Variants in MMP16 observed in about 807,000 individuals in gnomAD.
The protein encoded by MMP16 is matrix metalloproteinase-16.
In MMP16, 12 loss-of-function variants were observed where a neutral mutation model predicts 67.8. That is an observed-to-expected ratio of 0.18 (90% CI 0.11 to 0.29). The LOEUF (loss-of-function observed/expected upper bound fraction) is 0.29. Ranked by LOEUF, MMP16 falls within the 10% of genes least tolerant of loss-of-function variation. MMP16 has a pLI of 1.00. For missense variants in MMP16, 475 were observed against 765.7 expected, an observed-to-expected ratio of 0.62 and a Z score of 4.48; for synonymous variants, 249 against 255.9, an observed-to-expected ratio of 0.97 and a Z score of 0.26.
chr8:88,136,184 C>T (rs988766896), intron 4 of MMP16, among the ~76,000 whole-genome samples: 4 of 151,620 alleles, frequency 2.6e-5, no homozygotes, highest in African/African-American at 9.7e-5. Context: ...AAAGAGATGA[C>T]TAAAAAAGGT....
intron 3 of MMP16, among the ~76,000 whole-genome samples, chr8:88,182,837 T>C (rs1809003645): frequency 6.6e-6 from 1 of 151,906 alleles, no homozygotes; most frequent in Non-Finnish European, 1.5e-5. Flanking sequence ...TGAATAAATA[T>C]ACAATGGCAC....
At chr8:88,292,157 C>T (rs1005372131) in intron 1 of MMP16, among the ~76,000 whole-genome samples, 2 of 152,164 alleles carry the variant, frequency 1.3e-5, no homozygotes, top group Non-Finnish European at 2.9e-5. Flanking sequence ...GAAGAATTAC[C>T]TGCTTTGCTA....
At chr8:88,155,205 A>G (rs894839592) in intron 4 of MMP16, among the ~76,000 whole-genome samples, 11 of 152,104 alleles carry the variant, frequency 7.2e-5, no homozygotes, top group African/African-American at 2.7e-4. Flanking sequence ...CATGATTTCT[A>G]AAACAAATAT....
intron 4 of MMP16, among the ~76,000 whole-genome samples, chr8:88,164,902 A>T (rs1276078130): frequency 6.6e-6 from 1 of 151,834 alleles, no homozygotes; most frequent in East Asian, 1.9e-4. Context: ...TTCTTCCCAC[A>T]TATACATTCC....
chr8:88,119,005 C>A, intron 4 of MMP16, 144 bp from the exon 5 acceptor site: 1 of 794,286 alleles, frequency 1.3e-6, no homozygotes, highest in Non-Finnish European at 1.9e-6. Flanking sequence ...TCATCACTGG[C>A]TTTCCTACTG....
At chr8:88,162,018 G>A (rs1808635053) in intron 4 of MMP16, among the ~76,000 whole-genome samples, 1 of 151,986 alleles carries the variant, frequency 6.6e-6, no homozygotes, top group Non-Finnish European at 1.5e-5. Context: ...GTGCTGAGAA[G>A]AATGAATATA....
chr8:88,305,145 T>C (rs532451389), intron 1 of MMP16, among the ~76,000 whole-genome samples: 1 of 152,212 alleles, frequency 6.6e-6, no homozygotes, highest in Admixed American at 6.5e-5. Flanking sequence ...GATTGCAATC[T>C]TGGATTCTGA....
chr8:88,041,730 G>A lies in MMP16; in HGVS notation c.1555C>T (p.Pro519Ser), dbSNP rs1198881072. ...KFNNQILKVE[P>S]GYPRSILKDF... ...TTGAGGATGGATCTTGGATATCCAG[G>A]TTCTACCTTGAGTATCTGGTTGTTG... is the stretch of plus-strand genomic sequence containing the variant. Residue 519 changes from proline (P) to serine (S), a missense_variant, in exon 10 of 10, where the codon CCT (proline) becomes TCT (serine). Pro to Ser is a moderately conservative substitution (Grantham distance 74). This residue lies in a region of MMP16 where 23 missense variants were observed against 79.1 expected (regional missense o/e 0.29). Coordinates refer to ENST00000286614, the MANE Select transcript of MMP16 (RefSeq NM_005941.5). This position sits in a 1 kb window ranked among gnomAD's most constrained non-coding sequence, Gnocchi z 6.0. The A allele has an allele frequency of 1.9e-6, 3 of 1,613,842 alleles. No homozygotes were observed. Among genetic ancestry groups the A allele is most frequent in the Non-Finnish European group, 2.5e-6 (3 of 1,179,948 alleles).
At chr8:88,183,848 T>G (rs1174241981) in intron 3 of MMP16, among the ~76,000 whole-genome samples, 2 of 151,262 alleles carry the variant, frequency 1.3e-5, no homozygotes, top group Non-Finnish European at 2.9e-5. Flanking sequence ...CTCGAGTAGC[T>G]GGGATTACAG....
chr8:88,137,788 T>G (rs1387894002), intron 4 of MMP16, among the ~76,000 whole-genome samples: 2 of 151,996 alleles, frequency 1.3e-5, no homozygotes, highest in African/African-American at 4.8e-5. Context: ...CTCTCTTCTG[T>G]CTTCTTGATT....
chr8:88,301,307 AT>A (rs1811095325), intron 1 of MMP16, among the ~76,000 whole-genome samples: 1 of 151,976 alleles, frequency 6.6e-6, no homozygotes, highest in South Asian at 2.1e-4. Flanking sequence ...GCCTCTCTCC[AT>A]TTTATAACTG....
intron 1 of MMP16, among the ~76,000 whole-genome samples, chr8:88,288,724 C>T (rs367745754): frequency 6.6e-6 from 1 of 152,150 alleles, no homozygotes; most frequent in Non-Finnish European, 1.5e-5. Context: ...CACATCCTTT[C>T]AGGAAACCAA....
chr8:88,102,796 TA>T (rs1272007539), intron 6 of MMP16, among the ~76,000 whole-genome samples: 7 of 151,974 alleles, frequency 4.6e-5, no homozygotes, highest in African/African-American at 1.7e-4. Context: ...AGACCAAATA[TA>T]TATTTTATAA....
intron 1 of MMP16, among the ~76,000 whole-genome samples, chr8:88,322,483 T>G (rs541931294): frequency 6.6e-6 from 1 of 152,214 alleles, no homozygotes; most frequent in South Asian, 2.1e-4. Flanking sequence ...TTTATGTCAT[T>G]AGATGCTATG....
intron 1 of MMP16, among the ~76,000 whole-genome samples, chr8:88,251,616 T>C (rs1216919348): frequency 3.8e-5 from 5 of 130,928 alleles, no homozygotes; most frequent in Admixed American, 7.8e-5. Context: ...CCAAAAGCAA[T>C]GGCAACAAAA....
chr8:88,109,218 G>C (rs1328826101), intron 6 of MMP16, among the ~76,000 whole-genome samples: 1 of 151,272 alleles, frequency 6.6e-6, no homozygotes, highest in Non-Finnish European at 1.5e-5. Context: ...ATAGTTATTA[G>C]ATAAGTTACA....
rs569243848 is a variant in MMP16, at chr8:88,123,959, C to G, written c.710-5098G>C. On this transcript the variant is annotated intron_variant, in intron 4 of 9. Transcript: ENST00000286614. ...GGCTGCTCCCCTAGTGCCTCAAACT[C>G]TAGAACCATCCCTCAGTCCTTTCTC... Among the ~76,000 whole-genome samples, 4 of 152,044 alleles carry G rather than the reference C, an allele frequency of 2.6e-5. No homozygotes were observed. In the South Asian group the frequency reaches 8.3e-4, roughly 32 times the overall value.
intron 4 of MMP16, among the ~76,000 whole-genome samples, chr8:88,167,157 A>G (rs117411160): frequency 0.07 from 10,588 of 152,206 alleles, 558 homozygotes; most frequent in Non-Finnish European, 0.1. Context: ...GGTTGCAGTG[A>G]GCTGAAATTG....
chr8:88,065,668 A>T (rs1162174056), intron 7 of MMP16, among the ~76,000 whole-genome samples: 1 of 152,116 alleles, frequency 6.6e-6, no homozygotes, highest in African/African-American at 2.4e-5. Context: ...ACCTATTTAT[A>T]GAAAATGTTT....
Sources: gnomAD v4.1 joint callset for allele counts (sites outside exome capture counted in the v4.1 genomes callset) on GRCh38, gnomAD v4.1.1 for gene constraint, gnomAD v4.1.1 regional missense constraint, Gnocchi (gnomAD v3.1) non-coding constraint, MANE v1.5 for transcripts, NCBI Gene and HGNC (gene_info 2026-07-23, HGNC 2026-07-21) for gene names.